TRPV3: variants seen among roughly 807,000 people sequenced by gnomAD.
The protein encoded by TRPV3 is transient receptor potential cation channel subfamily V member 3.
In TRPV3, 88 loss-of-function variants were observed where a neutral mutation model predicts 87.1. The ratio of observed to expected loss-of-function variants is 1.01; its 90% CI spans 0.85 to 1.21. The LOEUF is 1.21. Among genes scored for constraint, TRPV3 ranks in the 50% most tolerant of loss-of-function variants. The pLI is 0.00. For missense variants in TRPV3, 1,054 were observed against 1,030.1 expected (o/e 1.02, Z -0.32); for synonymous variants, 438 against 423.3 (o/e 1.03, Z -0.43).
At chr17:3,535,089 A>C (rs2074386267) in intron 7 of TRPV3, among the ~76,000 whole-genome samples, 1 of 151,634 alleles carries the variant, frequency 6.6e-6, no homozygotes, top group Admixed American at 6.6e-5. Flanking sequence ...GAGCTTCTTA[A>C]GGCAGGGACA....
At chr17:3,555,040 T>C (rs1046320439) in intron 1 of TRPV3, among the ~76,000 whole-genome samples, 188 bp from the exon 2 acceptor site, 2 of 152,046 alleles carry the variant, frequency 1.3e-5, no homozygotes, top group African/African-American at 4.8e-5. Context: ...CTTCCCCAGC[T>C]CCCTGCTCTA....
chr17:3,556,302 C>T lies in TRPV3; in HGVS notation c.-3+1374G>A, dbSNP rs1394102953. Among the ~76,000 whole-genome samples the T allele has an allele frequency of 7.0e-6, 1 of 143,880 alleles. No individual in the cohort carries two copies. 94.4% of individuals were successfully genotyped at this position (143,880 alleles called of 152,430 possible). The stretch of plus-strand genomic sequence containing the variant: ...GGGTTACATAGGAGAGCGCGGGCTG[C>T]GTTGGGGGGTGGGGGAGACCAGAAG... On this transcript the variant is annotated intron_variant, in intron 1 of 17. Coordinates refer to ENST00000576742, the MANE Select transcript of TRPV3 (RefSeq NM_145068.4). The surrounding 1 kb of genome is among the most constrained non-coding windows in gnomAD (Gnocchi z 4.2).
At chr17:3,527,065 T>C in intron 11 of TRPV3, 138 bp from the exon 12 acceptor site, 1 of 683,050 alleles carries the variant, frequency 1.5e-6, no homozygotes, top group Non-Finnish European at 2.6e-6. Context: ...AGGTGGCGGA[T>C]CTGAAAGGGG....
intron 7 of TRPV3, among the ~76,000 whole-genome samples, chr17:3,533,604 T>TA (rs774384193): frequency 2.0e-5 from 3 of 151,834 alleles, no homozygotes; most frequent in Non-Finnish European, 4.4e-5. Flanking sequence ...GTTCAAGCTA[T>TA]TCTCCTGCCT....
At position 3,530,393 on chromosome 17, in the gene TRPV3, T is replaced by C. The variant is rs1348746843; in HGVS notation, c.1066-190A>G. 1 of 428,626 alleles carries C rather than the reference T, an allele frequency of 2.3e-6. No homozygotes were observed. Among genetic ancestry groups the C allele is most frequent in the Non-Finnish European group, 3.8e-6 (1 of 260,654 alleles). The allele number at this position is 428,626 out of a possible 1,614,324, so 26.6% of individuals were successfully genotyped here. ...GTGGAATGCGCACAAAGCTTGCTGT[T>C]CCGCCCATCTCACTGGGGGTTGTGA... On this transcript the variant is annotated intron_variant, in intron 8 of 17. Coordinates refer to ENST00000576742, the MANE Select transcript of TRPV3 (RefSeq NM_145068.4). The surrounding 1 kb of genome is among the most constrained non-coding windows in gnomAD (Gnocchi z 4.0).
In TRPV3 at chr17:3,523,718, CAAA is replaced by C. The variant is rs201681037; in HGVS notation, c.1743+477_1743+479del. Among the ~76,000 whole-genome samples, 9 of 78,596 alleles carry C rather than the reference CAAA, an allele frequency of 1.1e-4. No individual in the cohort carries two copies. The East Asian group carries it at 1.7e-3, about 15-fold the overall frequency. 51.6% of individuals were successfully genotyped at this position (78,596 alleles called of 152,430 possible). A position where few individuals can be genotyped will look rare whatever the true frequency, so the allele number is the denominator to read the frequency against. On this transcript the variant is annotated intron_variant, in intron 13 of 17. Transcript: ENST00000576742. ...GGGCAGCAGAGCAAGACTTGGTCTC[CAAA>C]AAAAAAAAAAAAAAGCAACAAATTA...
intron 16 of TRPV3, among the ~76,000 whole-genome samples, chr17:3,514,949 T>C (rs954251031): frequency 6.6e-6 from 1 of 152,106 alleles, no homozygotes; most frequent in African/African-American, 2.4e-5. Context: ...AGGGTCCAAC[T>C]TCAGACAACA....
intron 7 of TRPV3, 53 bp from the exon 8 acceptor site, chr17:3,532,990 C>A (rs2074363164): frequency 1.3e-6 from 2 of 1,593,624 alleles, no homozygotes; most frequent in African/African-American, 2.7e-5. Flanking sequence ...GAAGCAGCGT[C>A]CCCCAAGCCC....
chr17:3,541,282 C>T (rs941905405), intron 6 of TRPV3, among the ~76,000 whole-genome samples: 9 of 152,166 alleles, frequency 5.9e-5, no homozygotes, highest in Non-Finnish European at 8.8e-5. Flanking sequence ...GCAGGAGAAT[C>T]GCTTGAACCT....
rs780837621 is a variant in TRPV3, at chr17:3,518,591, G to A, written c.2070C>T (p.Arg690=). Reference sequence around the variant, plus strand: ...CTAGGCTCACCTGCAGGCGCCAGATGCGTTCGCTCTCCTTGGAGACGTTCT... The same window carrying A: ...CTAGGCTCACCTGCAGGCGCCAGATACGTTCGCTCTCCTTGGAGACGTTCT... ...TVENVSKESE[R]IWRLQRARTI... is the part of the protein sequence containing the mutation. The change falls in exon 15 of 18, where the codon CGC becomes CGT. Residue 690 remains arginine, a synonymous_variant. Transcript: ENST00000576742. This position sits in a 1 kb window ranked among gnomAD's most constrained non-coding sequence, Gnocchi z 4.3. 1.2e-5 allele frequency: 18 copies of A among 1,557,028 alleles called. No homozygotes were observed. In the Admixed American group the frequency reaches 1.2e-4, roughly 10 times the overall value.
rs1039519 is a variant in TRPV3 at position 3,544,620 on chromosome 17, C to T, written c.270G>A (p.Gln90=). 983,077 of 1,607,082 alleles carry T rather than the reference C, an allele frequency of 0.61. 304,305 individuals carry two copies. The highest frequency in any genetic ancestry group is 0.8 in the East Asian group (35,657 of 44,482). The change falls in exon 4 of 18, where the codon CAG becomes CAA. Residue 90 remains glutamine (Q), a synonymous_variant. Coordinates refer to ENST00000576742, the MANE Select transcript of TRPV3 (RefSeq NM_145068.4). ...TGGATGGGGTCTCTGTCACATCATC[C>T]TGAGGAGACTGGGGGGAGTCCATGT... ...CDDMDSPQSP[Q]DDVTETPSNP...
In TRPV3 at chr17:3,537,371, T is replaced by C. The variant is rs201394948; in HGVS notation, c.644-1658A>G. On this transcript the variant is annotated intron_variant, in intron 6 of 17. Transcript: ENST00000576742. ...TTTATGTTAGATAAGTAAATAAAAC[T>C]ATTTCTGTGTACATATATACACACA... 6.7e-5 allele frequency among the ~76,000 whole-genome samples: 8 copies of C among 119,000 alleles called. No homozygotes were observed. In the East Asian group the frequency reaches 1.8e-3, roughly 27 times the overall value. 78.1% of individuals were successfully genotyped at this position (119,000 alleles called of 152,430 possible). A position where few individuals can be genotyped will look rare whatever the true frequency, so the allele number is the denominator to read the frequency against.
chr17:3,542,103 C>G (rs1372737621), intron 6 of TRPV3, among the ~76,000 whole-genome samples: 1 of 152,000 alleles, frequency 6.6e-6, no homozygotes, highest in Non-Finnish European at 1.5e-5. Context: ...ATTACAGGCA[C>G]CTGCCACCAT....
At chr17:3,516,393 A>T in intron 16 of TRPV3, 64 bp downstream of exon 16, 1 of 1,251,260 alleles carries the variant, frequency 8.0e-7, no homozygotes, top group South Asian at 1.2e-5. Context: ...ACATCCTGTC[A>T]CCATCCTGCC....
intron 15 of TRPV3, among the ~76,000 whole-genome samples, chr17:3,517,826 T>A (rs1181474850): frequency 7.4e-5 from 11 of 147,880 alleles, no homozygotes; most frequent in Non-Finnish European, 1.4e-4. Context: ...TTTTTTTTTT[T>A]TCTATTTTTG....
intron 15 of TRPV3, among the ~76,000 whole-genome samples, chr17:3,517,550 C>T (rs1212145168): frequency 7.3e-6 from 1 of 137,120 alleles, no homozygotes; most frequent in African/African-American, 2.7e-5. Context: ...GCCCGGGAGG[C>T]AGAGTTTGCA....
intron 6 of TRPV3, among the ~76,000 whole-genome samples, chr17:3,542,020 G>A (rs1199271116): frequency 9.2e-5 from 14 of 152,082 alleles, no homozygotes; most frequent in African/African-American, 3.1e-4. Flanking sequence ...GTGCAATGGC[G>A]ATCTCGGCTC....
rs747706157 is a variant in TRPV3 at position 3,530,240 on chromosome 17, C to T, written c.1066-37G>A. The T allele has an allele frequency of 2.5e-6, 4 of 1,588,206 alleles. No individual in the cohort carries two copies. The Admixed American group carries it at 6.8e-5, about 27-fold the overall frequency. On this transcript the variant is annotated intron_variant, in intron 8 of 17. Transcript: ENST00000576742. The surrounding 1 kb of genome is among the most constrained non-coding windows in gnomAD (Gnocchi z 4.0). ...GGAGGAACAACCATCAGCTGCAGAA[C>T]AGGGGCTTAAGGCCAACAGGGCTGG... is the stretch of plus-strand genomic sequence containing the variant.
rs1039455453 is a variant in TRPV3, at chr17:3,522,553, T to TC, written c.1744-1515dup. Reference sequence around the variant, plus strand: ...TTGAGTCTTAGAATAATTTGTTGATTCCCCCCCCCACCCCCCAGCACTTTG... The same window carrying TC: ...TTGAGTCTTAGAATAATTTGTTGATTCCCCCCCCCCACCCCCCAGCACTTTG... On this transcript the variant is annotated intron_variant, in intron 13 of 17. Transcript: ENST00000576742. Among the ~76,000 whole-genome samples, 110 of 149,418 alleles carry TC rather than the reference T, an allele frequency of 7.4e-4. 1 individual carries two copies. Among genetic ancestry groups the TC allele is most frequent in the Middle Eastern group, 3.4e-3 (1 of 290 alleles).
Sources: gnomAD v4.1 joint callset for allele counts (sites outside exome capture counted in the v4.1 genomes callset) on GRCh38, gnomAD v4.1.1 for gene constraint, Gnocchi (gnomAD v3.1) non-coding constraint, MANE v1.5 for transcripts, NCBI Gene and HGNC (gene_info 2026-07-23, HGNC 2026-07-21) for gene names.